Variants in TRAF7 observed in about 807,000 individuals in gnomAD.
TRAF7 encodes the protein E3 ubiquitin-protein ligase TRAF7.
Under a neutral mutation model 89.3 loss-of-function variants are expected in TRAF7, and 45 were observed. The observed-to-expected ratio is 0.50, with a 90% CI of 0.40 to 0.65. The LOEUF is 0.65. Among genes scored for constraint, TRAF7 ranks in the 30% least tolerant of loss-of-function variants. The pLI is 0.00. For synonymous variants in TRAF7, 406 were observed against 369.2 expected, an observed-to-expected ratio of 1.10 and a Z score of -1.14; for missense variants, 677 against 918.1, an observed-to-expected ratio of 0.74 and a Z score of 3.39.
Position 2,174,039 on chromosome 16 carries a change from G to T in TRAF7, c.1254G>T (p.Lys418Asn). Residue 418 changes from lysine (K) to asparagine (N), a missense_variant, in exon 13 of 21, where the codon AAG (lysine) becomes AAT (asparagine). Around this residue, in one of 6 missense-constraint regions of TRAF7, gnomAD observed 15 missense variants for 61.5 expected, o/e 0.24. Transcript: ENST00000326181. ...TGCTCTTCAGTGGCTCCTCTGACAA[G>T]ACCATCAAGGTGGGCAGGGTCCTAC... Reference protein sequence around the residue: ...GDLLFSGSSDKTIKVWDTCTT... With the variant: ...GDLLFSGSSDNTIKVWDTCTT... The T allele has an allele frequency of 6.2e-7, 1 of 1,613,166 alleles. No individual in the cohort carries two copies. The highest frequency in any genetic ancestry group is 1.1e-5 in the South Asian group (1 of 91,068).
In TRAF7 at chr16:2,175,642, G is replaced by C. The variant is rs781180430; in HGVS notation, c.1626+20G>C. 193 of 1,608,422 alleles carry C rather than the reference G, an allele frequency of 1.2e-4. No individual in the cohort carries two copies. Among genetic ancestry groups the C allele is most frequent in the Non-Finnish European group, 1.5e-4 (179 of 1,177,890 alleles). On this transcript the variant is annotated intron_variant, in intron 17 of 20. Coordinates refer to ENST00000326181, the MANE Select transcript of TRAF7 (RefSeq NM_032271.3). ...ATCAAGGTGCGCTTGGGCACACCTG[G>C]TGGCCACAGGGCCTTGCCTCCTACC... is the stretch of plus-strand genomic sequence containing the variant.
At chr16:2,175,033 G>T in intron 14 of TRAF7, 78 bp from the exon 15 acceptor site, 1 of 1,582,394 alleles carries the variant, frequency 6.3e-7, no homozygotes, top group Non-Finnish European at 8.7e-7. Flanking sequence ...TGGCTGGCAT[G>T]GACCTCGGGC....
At position 2,164,173 on chromosome 16, in the gene TRAF7, CGCGCGCGCACGCGTGCGT is replaced by C. The variant is rs1222355185; in HGVS notation, c.81+174_81+191del. 2.6e-4 allele frequency among the ~76,000 whole-genome samples: 32 copies of C among 121,500 alleles called. 1 individual carries two copies. The highest frequency in any genetic ancestry group is 4.4e-4 in the African/African-American group (13 of 29,702). The allele number at this position is 121,500 out of a possible 152,430, so 79.7% of individuals were successfully genotyped here. A position where few individuals can be genotyped will look rare whatever the true frequency, so the allele number is the denominator to read the frequency against. ...GTGTGTGTGTGTGCGCGCGCGCGCG[CGCGCGCGCACGCGTGCGT>C]GTGTGGTTGGGGCGTGTTAGTGCTG... On this transcript the variant is annotated intron_variant, in intron 2 of 20. Coordinates refer to ENST00000326181, the MANE Select transcript of TRAF7 (RefSeq NM_032271.3).
chr16:2,172,319 A>C lies in TRAF7; in HGVS notation c.604A>C (p.Ile202Leu). 6.2e-7 allele frequency: 1 copy of C among 1,612,460 alleles called. No homozygotes were observed. Residue 202 changes from isoleucine to leucine, a missense_variant, in exon 8 of 21, where the codon ATC becomes CTC. Physicochemically the swap from Ile to Leu is conservative, Grantham distance 5. Coordinates refer to ENST00000326181, the MANE Select transcript of TRAF7 (RefSeq NM_032271.3). ...CRVAGSGKPP[I>L]FEVDPRGCPF... Reference sequence around the variant, plus strand: ...GGTAGCGGGCAGCGGGAAGCCCCCCATCTTTGAGGTGGACCCCCGAGGGTG... The same window carrying C: ...GGTAGCGGGCAGCGGGAAGCCCCCCCTCTTTGAGGTGGACCCCCGAGGGTG...
rs1330312278 is a variant in TRAF7 at position 2,176,552 on chromosome 16, C to T, written c.1999-8C>T. On this transcript the variant is annotated splice_region_variant and splice_polypyrimidine_tract_variant and intron_variant, in intron 20 of 20. Coordinates refer to ENST00000326181, the MANE Select transcript of TRAF7 (RefSeq NM_032271.3). The stretch of plus-strand genomic sequence containing the variant: ...GGACATCCTGGTGAAGCAGCCCTTT[C>T]TCTGCAGGTTTGGACTTGCTAACAG... 1 of 1,613,440 alleles carries T rather than the reference C, an allele frequency of 6.2e-7. No homozygotes were observed. Among genetic ancestry groups the T allele is most frequent in the South Asian group, 1.1e-5 (1 of 91,086 alleles).
chr16:2,164,169 C>T (rs111326720), intron 2 of TRAF7, among the ~76,000 whole-genome samples, 168 bp downstream of exon 2: 4,784 of 109,670 alleles, frequency 0.044, 174 homozygotes, highest in African/African-American at 0.13. Flanking sequence ...TGCGCGCGCG[C>T]GCGCGCGCGC....
chr16:2,164,095 C>G lies in TRAF7; in HGVS notation c.81+94C>G, dbSNP rs533189173. 4.9e-6 allele frequency: 6 copies of G among 1,215,788 alleles called. No homozygotes were observed. In the African/African-American group the frequency reaches 7.6e-5, roughly 15 times the overall value. 75.3% of individuals were successfully genotyped at this position (1,215,788 alleles called of 1,614,324 possible). The stretch of plus-strand genomic sequence containing the variant: ...GCCTGCAGAGCTCCCAGCGCAGTCC[C>G]GTCCCGAGCTGGGGTCTCAGGGGAG... On this transcript the variant is annotated intron_variant, in intron 2 of 20. Transcript: ENST00000326181.
intron 2 of TRAF7, among the ~76,000 whole-genome samples, chr16:2,165,199 T>TGCGTGGCCTGGCCTGGTC (rs2141274565): frequency 1.4e-5 from 2 of 142,020 alleles, no homozygotes; most frequent in East Asian, 2.2e-4. Context: ...GTGTGAGTGC[T>TGCGTGGCCTGGCCTGGTC]GCATGGCCTG....
chr16:2,174,380 G>A (rs1422831872), intron 14 of TRAF7, 47 bp downstream of exon 14: 4 of 1,586,348 alleles, frequency 2.5e-6, no homozygotes, highest in African/African-American at 1.3e-5. Context: ...GACAGGAGAC[G>A]TGGCGCTGCC....
intron 5 of TRAF7, 37 bp downstream of exon 5, chr16:2,170,767 G>A: frequency 6.4e-7 from 1 of 1,552,480 alleles, no homozygotes; most frequent in Non-Finnish European, 8.7e-7. Context: ...CGGCTTCCAG[G>A]GCTGTCACCG....
chr16:2,169,581 C>T (rs752038316), intron 4 of TRAF7, among the ~76,000 whole-genome samples: 7 of 152,196 alleles, frequency 4.6e-5, no homozygotes, highest in Admixed American at 1.3e-4. Flanking sequence ...TCAGCCCCTA[C>T]GCCCAAGAGG....
chr16:2,175,771 G>T, intron 17 of TRAF7, 63 bp from the exon 18 acceptor site: 2 of 1,602,866 alleles, frequency 1.2e-6, no homozygotes, highest in Non-Finnish European at 1.7e-6. Flanking sequence ...AAGCCCTGGG[G>T]GTGCGGGGGC....
In TRAF7 at chr16:2,165,659, T is replaced by C. The variant is rs546347051; in HGVS notation, c.82-220T>C. Among the ~76,000 whole-genome samples the C allele has an allele frequency of 9.0e-4, 127 of 140,396 alleles. No homozygotes were observed. The South Asian group carries it at 0.029, about 32-fold the overall frequency. The allele number at this position is 140,396 out of a possible 152,430, so 92.1% of individuals were successfully genotyped here. A position where few individuals can be genotyped will look rare whatever the true frequency, so the allele number is the denominator to read the frequency against. ...TTAAGCGTGTGAGTGCTGCGTGGCCTGGCCTGGTCGCATGGTTAAGCGTGT... is the reference window on the plus strand; with the variant it reads ...TTAAGCGTGTGAGTGCTGCGTGGCCCGGCCTGGTCGCATGGTTAAGCGTGT... On this transcript the variant is annotated intron_variant, in intron 2 of 20. Transcript: ENST00000326181.
intron 2 of TRAF7, among the ~76,000 whole-genome samples, chr16:2,164,643 C>T (rs1475530930): frequency 2.1e-4 from 26 of 126,374 alleles, no homozygotes; most frequent in African/African-American, 6.9e-4. Context: ...GCGGCCTGGT[C>T]GCATGGTTAA....
rs185326533 is a variant in TRAF7, at chr16:2,159,313, G to A, written c.-39+3455G>A. Among the ~76,000 whole-genome samples the A allele has an allele frequency of 4.9e-4, 75 of 152,256 alleles. No individual in the cohort carries two copies. The highest frequency in any genetic ancestry group is 2.2e-3 in the Admixed American group (33 of 15,304). On this transcript the variant is annotated intron_variant, in intron 1 of 20. Transcript: ENST00000326181. This position sits in a 1 kb window ranked among gnomAD's most constrained non-coding sequence, Gnocchi z 6.5. ...CAAGGGGGTTCGCCGTGCTAGGAGGGAAGCGGGGCCAAGCCGGCCTCAGAC... is the reference window on the plus strand; with the variant it reads ...CAAGGGGGTTCGCCGTGCTAGGAGGAAAGCGGGGCCAAGCCGGCCTCAGAC...
In TRAF7 at chr16:2,172,299, C is replaced by T. The variant is rs761486543; in HGVS notation, c.584C>T (p.Ala195Val). Reference sequence around the variant, plus strand: ...CACTGCCGGCACGGCTGCCGGGTAGCGGGCAGCGGGAAGCCCCCCATCTTT... The same window carrying T: ...CACTGCCGGCACGGCTGCCGGGTAGTGGGCAGCGGGAAGCCCCCCATCTTT... ...FIHCRHGCRV[A>V]GSGKPPIFEV... Residue 195 changes from alanine to valine, a missense_variant, in exon 8 of 21, where the codon GCG becomes GTG. Around this residue, in one of 6 missense-constraint regions of TRAF7, gnomAD observed 238 missense variants for 352.6 expected, o/e 0.67. Transcript: ENST00000326181. The T allele has an allele frequency of 3.0e-5, 49 of 1,612,618 alleles. No individual in the cohort carries two copies. Among genetic ancestry groups the T allele is most frequent in the Admixed American group, 1.2e-4 (7 of 59,998 alleles).
At chr16:2,170,233 C>T (rs963495774) in intron 4 of TRAF7, among the ~76,000 whole-genome samples, 3 of 152,246 alleles carry the variant, frequency 2.0e-5, no homozygotes, top group Non-Finnish European at 2.9e-5. Flanking sequence ...TTCCATCCTG[C>T]GGTCACGGCC....
Position 2,170,669 on chromosome 16 carries a change from A to T in TRAF7, c.287A>T (p.His96Leu), listed in dbSNP as rs374293398. 5 of 1,609,874 alleles carry T rather than the reference A, an allele frequency of 3.1e-6. No homozygotes were observed. Among genetic ancestry groups the T allele is most frequent in the Non-Finnish European group, 4.2e-6 (5 of 1,178,532 alleles). Reference protein sequence around the residue: ...SDSAISVRSLHSESSMSLRST... With the variant: ...SDSAISVRSLLSESSMSLRST... The stretch of plus-strand genomic sequence containing the variant: ...TCCGCCATCTCTGTCCGCTCCCTGC[A>T]CTCAGAGTCCAGCATGTCTCTGCGC... Residue 96 changes from histidine (H) to leucine (L), a missense_variant, in exon 5 of 21, where the codon CAC becomes CTC. Around this residue, in one of 6 missense-constraint regions of TRAF7, gnomAD observed 240 missense variants for 191.9 expected, o/e 1.25. Coordinates refer to ENST00000326181, the MANE Select transcript of TRAF7 (RefSeq NM_032271.3).
At chr16:2,174,173 CCTCA>C (rs1271390928) in intron 13 of TRAF7, 74 bp from the exon 14 acceptor site, 50 of 1,594,970 alleles carry the variant, frequency 3.1e-5, no homozygotes, top group East Asian at 1.1e-4. Context: ...GGCGGGGCTC[CCTCA>C]CTCATTCCTG....
Sources: gnomAD v4.1 joint callset for allele counts (sites outside exome capture counted in the v4.1 genomes callset) on GRCh38, gnomAD v4.1.1 for gene constraint, gnomAD v4.1.1 regional missense constraint, Gnocchi (gnomAD v3.1) non-coding constraint, MANE v1.5 for transcripts, NCBI Gene and HGNC (gene_info 2026-07-23, HGNC 2026-07-21) for gene names.